CNTLN: variants seen among roughly 807,000 people sequenced by gnomAD.
CNTLN encodes centlein.
CNTLN carries 212 observed loss-of-function variants against 180.0 expected under a neutral mutation model. The ratio of observed to expected loss-of-function variants is 1.18; its 90% CI spans 1.05 to 1.32. CNTLN has a LOEUF of 1.32. CNTLN is among the 40% of genes most tolerant of loss of function. The probability of loss-of-function intolerance (pLI) is 0.00; values close to 1 mark genes in which losing one functional copy is unlikely to be tolerated. For missense variants in CNTLN, 2,095 were observed against 1,610.9 expected (o/e 1.30, Z -5.14); for synonymous variants, 722 against 563.1 (o/e 1.28, Z -3.99).
At chr9:17,258,959 C>G (rs974433095) in intron 5 of CNTLN, among the ~76,000 whole-genome samples, 1 of 150,304 alleles carries the variant, frequency 6.7e-6, no homozygotes, top group Non-Finnish European at 1.5e-5. Context: ...AATTGAATAC[C>G]CTTTATTTCC....
chr9:17,366,626 T>C lies in CNTLN; in HGVS notation c.1896T>C (p.Leu632=), dbSNP rs777596743. 1.3e-6 allele frequency: 2 copies of C among 1,501,834 alleles called. No homozygotes were observed. Among genetic ancestry groups the C allele is most frequent in the Admixed American group, 3.5e-5 (2 of 56,482 alleles). The allele number at this position is 1,501,834 out of a possible 1,614,324, so 93.0% of individuals were successfully genotyped here. The change falls in exon 13 of 26, where the codon CTT becomes CTC. Residue 632 remains leucine (L), a synonymous_variant. Transcript: ENST00000380647. The stretch of plus-strand genomic sequence containing the variant: ...TATTGCTTTTTCATAGGATGAATCT[T>C]GAAGAAGAATTAGATGAACTTAAAG... ...NQELMIQKMN[L]EEELDELKVH...
intron 2 of CNTLN, among the ~76,000 whole-genome samples, chr9:17,170,186 A>G (rs543343751): frequency 2.6e-5 from 4 of 152,248 alleles, no homozygotes; most frequent in African/African-American, 9.6e-5. Context: ...TTCAGAGAGT[A>G]TGTTTTAGTG....
chr9:17,504,757 A>G (rs1833901849), downstream of CNTLN, among the ~76,000 whole-genome samples: 1 of 152,136 alleles, frequency 6.6e-6, no homozygotes, highest in Non-Finnish European at 1.5e-5. Context: ...GAGCCAAAGG[A>G]TGTGGATGGC....
At chr9:17,180,578 T>C (rs1821063280) in intron 2 of CNTLN, among the ~76,000 whole-genome samples, 1 of 151,916 alleles carries the variant, frequency 6.6e-6, no homozygotes, top group Non-Finnish European at 1.5e-5. Flanking sequence ...TTTAGAAAAC[T>C]GAAGAAGACA....
chr9:17,300,437 C>G (rs915058149), intron 7 of CNTLN: 2 of 152,138 alleles, frequency 1.3e-5, no homozygotes, highest in African/African-American at 2.4e-5. Context: ...ATGGGCATCT[C>G]ATACTGAACG....
In CNTLN at chr9:17,279,139, G is replaced by A. The variant is rs370375491; in HGVS notation, c.983+5273G>A. Reference sequence around the variant, plus strand: ...CATCTGTAGTTGATTTTGGCACTCTGCTCTGTATACTCTGGAAATAAGCAC... The same window carrying A: ...CATCTGTAGTTGATTTTGGCACTCTACTCTGTATACTCTGGAAATAAGCAC... On this transcript the variant is annotated intron_variant, in intron 6 of 25. Coordinates refer to ENST00000380647, the MANE Select transcript of CNTLN (RefSeq NM_017738.4). Among the ~76,000 whole-genome samples the A allele has an allele frequency of 7.9e-5, 12 of 151,884 alleles. No individual in the cohort carries two copies. In the South Asian group the frequency reaches 8.3e-4, roughly 11 times the overall value.
chr9:17,497,728 A>G (rs1833534683), intron 25 of CNTLN, among the ~76,000 whole-genome samples: 1 of 152,206 alleles, frequency 6.6e-6, no homozygotes, highest in East Asian at 1.9e-4. Flanking sequence ...AATAGAAACA[A>G]CCATTTAGGA....
chr9:17,338,411 G>A (rs977721775), intron 10 of CNTLN, among the ~76,000 whole-genome samples: 2 of 138,748 alleles, frequency 1.4e-5, no homozygotes, highest in African/African-American at 2.7e-5. Context: ...GACCTCAAGT[G>A]GTTTGTCTGG....
At chr9:17,158,713 T>TC (rs370202595) in intron 2 of CNTLN, among the ~76,000 whole-genome samples, 15 of 151,982 alleles carry the variant, frequency 9.9e-5, no homozygotes, top group African/African-American at 2.4e-4. Flanking sequence ...ATTGGTAATA[T>TC]CCCCCCCTTT....
At chr9:17,290,608 C>T (rs1388283312) in intron 6 of CNTLN, among the ~76,000 whole-genome samples, 4 of 141,814 alleles carry the variant, frequency 2.8e-5, no homozygotes, top group African/African-American at 1.0e-4. Flanking sequence ...CTCCCCCAGC[C>T]TGGCTGCCGC....
intron 2 of CNTLN, among the ~76,000 whole-genome samples, chr9:17,214,819 A>G (rs1211508139): frequency 2.6e-5 from 4 of 152,190 alleles, no homozygotes; most frequent in Middle Eastern, 3.2e-3. Context: ...TCAATCACTG[A>G]TACCCTTTCT....
At chr9:17,183,311 G>T (rs576167213) in intron 2 of CNTLN, among the ~76,000 whole-genome samples, 2 of 152,202 alleles carry the variant, frequency 1.3e-5, no homozygotes, top group South Asian at 2.1e-4. Context: ...GAATATCACA[G>T]AATAATTCTC....
chr9:17,453,410 T>C (rs1405652222), intron 18 of CNTLN, among the ~76,000 whole-genome samples: 1 of 152,128 alleles, frequency 6.6e-6, no homozygotes, highest in East Asian at 1.9e-4. Flanking sequence ...GAGAATATTA[T>C]ATAAACTCTA....
chr9:17,362,790 C>T (rs1823504679), intron 12 of CNTLN, among the ~76,000 whole-genome samples: 1 of 151,814 alleles, frequency 6.6e-6, no homozygotes, highest in Admixed American at 6.6e-5. Flanking sequence ...GCAGAGTATG[C>T]AGGTTTATTA....
intron 18 of CNTLN, among the ~76,000 whole-genome samples, chr9:17,449,955 G>A (rs1321470024): frequency 1.3e-5 from 2 of 152,140 alleles, no homozygotes; most frequent in Non-Finnish European, 2.9e-5. Flanking sequence ...AAATAATAGT[G>A]TTGATTTTCA....
At position 17,457,522 on chromosome 9, in the gene CNTLN, AG is replaced by A. The variant is rs774414485; in HGVS notation, c.3115-1del. 1 of 1,403,464 alleles carries A rather than the reference AG, an allele frequency of 7.1e-7. No individual in the cohort carries two copies. The highest frequency in any genetic ancestry group is 9.4e-7 in the Non-Finnish European group (1 of 1,066,440). The allele number at this position is 1,403,464 out of a possible 1,614,324, so 86.9% of individuals were successfully genotyped here. A position where few individuals can be genotyped will look rare whatever the true frequency, so the allele number is the denominator to read the frequency against. On this transcript the variant is annotated splice_acceptor_variant, in intron 18 of 25. Coordinates refer to ENST00000380647, the MANE Select transcript of CNTLN (RefSeq NM_017738.4). LOFTEE classifies it high-confidence loss of function. ...TATTTATTTTCTTTTTTTAAAAAAA[AG>A]AAGCTAAATTTGGATTTGGCTGGGC...
chr9:17,520,728 G>A, the CNTLN span, among the ~76,000 whole-genome samples: 690 of 152,298 alleles, frequency 4.5e-3, 6 homozygotes, highest in East Asian at 0.048. Context: ...GCTCTGTTAA[G>A]AGCAAAATAT....
At chr9:17,510,637 G>A in the CNTLN span, among the ~76,000 whole-genome samples, 1 of 152,164 alleles carries the variant, frequency 6.6e-6, no homozygotes, top group South Asian at 2.1e-4. Flanking sequence ...GTTTGCCTTT[G>A]GACTTGAATT....
intron 3 of CNTLN, among the ~76,000 whole-genome samples, chr9:17,234,098 G>A (rs1824986079): frequency 6.6e-6 from 1 of 151,928 alleles, no homozygotes. Flanking sequence ...TATGTATTCA[G>A]CGTCTAAATT....
Sources: allele counts gnomAD v4.1 joint callset (sites outside exome capture counted in the v4.1 genomes callset), GRCh38; gene constraint gnomAD v4.1.1; transcripts MANE v1.5; gene names NCBI Gene and HGNC (gene_info 2026-07-23, HGNC 2026-07-21).